Variants in NRXN1 observed in about 807,000 individuals in gnomAD.
NRXN1 encodes neurexin 1.
In NRXN1, 39 loss-of-function variants were observed where a neutral mutation model predicts 150.9. The observed-to-expected ratio is 0.26, with a 90% CI of 0.20 to 0.34. The LOEUF (loss-of-function observed/expected upper bound fraction) is 0.34. NRXN1 is among the 10% of genes least tolerant of loss of function. The pLI is 1.00. For missense variants in NRXN1, 1,815 were observed against 1,949.9 expected (o/e 0.93, Z 1.30); for synonymous variants, 924 against 757.0 (o/e 1.22, Z -3.62).
chr2:51,002,553 G>C (rs1486186260), intron 2 of NRXN1, among the ~76,000 whole-genome samples: 1 of 151,870 alleles, frequency 6.6e-6, no homozygotes, highest in African/African-American at 2.4e-5. Context: ...TGCATATAAA[G>C]AGCTTAGTTA....
intron 17 of NRXN1, among the ~76,000 whole-genome samples, chr2:50,351,504 T>C (rs1313318823): frequency 6.6e-6 from 1 of 152,152 alleles, no homozygotes; most frequent in Non-Finnish European, 1.5e-5. Context: ...TAGGAGGAAG[T>C]TAATCCTTTG....
At chr2:50,282,614 T>G (rs2071608534) in intron 17 of NRXN1, among the ~76,000 whole-genome samples, 2 of 152,094 alleles carry the variant, frequency 1.3e-5, no homozygotes, top group Admixed American at 6.6e-5. Context: ...GAGGGACTAT[T>G]ATAATTAAGT....
chr2:50,769,651 A>G (rs542462123), intron 5 of NRXN1, among the ~76,000 whole-genome samples: 1 of 152,182 alleles, frequency 6.6e-6, no homozygotes, highest in South Asian at 2.1e-4. Flanking sequence ...CGAACTCACT[A>G]GGCTACAAGG....
At chr2:50,826,864 T>C (rs9677290) in intron 5 of NRXN1, among the ~76,000 whole-genome samples, 56,610 of 151,992 alleles carry the variant, frequency 0.37, 11,640 homozygotes, top group Non-Finnish European at 0.48. Flanking sequence ...GAGATATACA[T>C]TTGGGATTCA....
chr2:50,802,925 C>A (rs1280289961), intron 5 of NRXN1, among the ~76,000 whole-genome samples: 1 of 152,130 alleles, frequency 6.6e-6, no homozygotes, highest in Non-Finnish European at 1.5e-5. Flanking sequence ...GGAACGATTT[C>A]TCTGCAGATT....
At chr2:50,444,733 T>C (rs551089645) in intron 17 of NRXN1, among the ~76,000 whole-genome samples, 72 of 152,160 alleles carry the variant, frequency 4.7e-4, no homozygotes, top group Non-Finnish European at 8.2e-4. Context: ...GAATAACATA[T>C]CAAAATTTTA....
chr2:50,391,081 G>C (rs1290845018), intron 17 of NRXN1, among the ~76,000 whole-genome samples: 2 of 151,964 alleles, frequency 1.3e-5, no homozygotes, highest in Non-Finnish European at 2.9e-5. Context: ...TAACTTTCAA[G>C]AATTTTGGCC....
At chr2:50,559,418 G>A (rs11891645) in intron 8 of NRXN1, among the ~76,000 whole-genome samples, 2,564 of 152,172 alleles carry the variant, frequency 0.017, 82 homozygotes, top group African/African-American at 0.059. Context: ...AATCAGACAC[G>A]CACTTTTTAG....
At chr2:50,598,769 G>A (rs375979917) in intron 8 of NRXN1, among the ~76,000 whole-genome samples, 8 of 145,998 alleles carry the variant, frequency 5.5e-5, no homozygotes, top group East Asian at 4.0e-4. Context: ...GTTTTGTTTC[G>A]TTTTTTGAGA....
intron 18 of NRXN1, among the ~76,000 whole-genome samples, chr2:50,097,233 A>G (rs1217404670): frequency 2.6e-5 from 4 of 152,334 alleles, no homozygotes; most frequent in African/African-American, 9.6e-5. Context: ...CATTGTGAGC[A>G]AGTGTGCAAC....
At chr2:50,271,240 T>C (rs2069580601) in intron 17 of NRXN1, among the ~76,000 whole-genome samples, 1 of 152,178 alleles carries the variant, frequency 6.6e-6, no homozygotes, top group Admixed American at 6.6e-5. Flanking sequence ...ATAATTGAAC[T>C]TAGCTACCAA....
At chr2:50,923,765 A>T (rs1686442959) in intron 3 of NRXN1, among the ~76,000 whole-genome samples, 1 of 151,826 alleles carries the variant, frequency 6.6e-6, no homozygotes, top group Admixed American at 6.6e-5. Context: ...GATATATTTG[A>T]AACTTTATTT....
chr2:50,397,617 T>A (rs1402127), intron 17 of NRXN1, among the ~76,000 whole-genome samples: 1 of 151,798 alleles, frequency 6.6e-6, no homozygotes, highest in Non-Finnish European at 1.5e-5. Context: ...TCTCTCTTTT[T>A]TAAATCTGAG....
At chr2:50,452,876 G>T (rs1272014533) in intron 17 of NRXN1, among the ~76,000 whole-genome samples, 1 of 152,130 alleles carries the variant, frequency 6.6e-6, no homozygotes, top group Non-Finnish European at 1.5e-5. Flanking sequence ...TGTACACTTG[G>T]ATTTGGTCAT....
At position 50,056,016 on chromosome 2, in the gene NRXN1, C is replaced by T. The variant is rs138070237; in HGVS notation, c.3719-972G>A. Among the ~76,000 whole-genome samples the T allele has an allele frequency of 3.0e-3, 452 of 151,842 alleles. 1 individual carries two copies. Among genetic ancestry groups the T allele is most frequent in the African/African-American group, 0.01 (425 of 41,416 alleles). On this transcript the variant is annotated intron_variant, in intron 19 of 22. Coordinates refer to ENST00000401669, the MANE Select transcript of NRXN1 (RefSeq NM_001330078.2). ...GTTTTCTTGATCTGTAGAGCACTTA[C>T]GAAGAATCTGAGACACCATCTCGGT...
At chr2:50,067,396 G>T (rs1373823367) in intron 19 of NRXN1, among the ~76,000 whole-genome samples, 1 of 152,142 alleles carries the variant, frequency 6.6e-6, no homozygotes, top group East Asian at 1.9e-4. Flanking sequence ...ATAAATACAG[G>T]TAACCTTGTG....
At chr2:50,586,830 T>C (rs1453842397) in intron 8 of NRXN1, among the ~76,000 whole-genome samples, 1 of 152,200 alleles carries the variant, frequency 6.6e-6, no homozygotes, top group Non-Finnish European at 1.5e-5. Context: ...AATAATGTAT[T>C]CATTTACAAT....
At chr2:50,498,098 A>C (rs1312369326) in intron 13 of NRXN1, among the ~76,000 whole-genome samples, 1 of 152,202 alleles carries the variant, frequency 6.6e-6, no homozygotes, top group Non-Finnish European at 1.5e-5. Flanking sequence ...GACTATTCTC[A>C]GTCACCCAAC....
intron 21 of NRXN1, among the ~76,000 whole-genome samples, chr2:50,020,113 G>C (rs563170025): frequency 1.3e-5 from 2 of 152,078 alleles, no homozygotes; most frequent in East Asian, 3.9e-4. Context: ...ACGCAGACTA[G>C]GCACTCCTCA....
Sources: allele counts gnomAD v4.1 joint callset (sites outside exome capture counted in the v4.1 genomes callset), GRCh38; gene constraint gnomAD v4.1.1; transcripts MANE v1.5; gene names NCBI Gene and HGNC (gene_info 2026-07-23, HGNC 2026-07-21).